C6orf132: variants seen among roughly 807,000 people sequenced by gnomAD.
The protein encoded by C6orf132 is uncharacterized protein C6orf132.
A neutral mutation model predicts 65.3 loss-of-function variants in C6orf132; 43 were observed. The ratio of observed to expected loss-of-function variants is 0.66; its 90% CI spans 0.52 to 0.85. C6orf132 has a LOEUF of 0.85. Among genes scored for constraint, C6orf132 ranks in the 40% least tolerant of loss-of-function variants. C6orf132 has a pLI of 0.00. For missense variants in C6orf132, 1,488 were observed against 1,548.8 expected (o/e 0.96, Z 0.66); for synonymous variants, 631 against 654.1 (o/e 0.96, Z 0.54).
chr6:42,102,894 C>T lies in C6orf132; in HGVS notation c.*867G>A, dbSNP rs941812514. ...TGCCTTCTCCAAATCCCATATGAGA[C>T]CTGGCCATGTAAGGCCCCTAGTGTC... On this transcript the variant is annotated 3_prime_UTR_variant, in exon 5 of 5. Transcript: ENST00000341865. 6 of 396,656 alleles carry T rather than the reference C, an allele frequency of 1.5e-5. No individual in the cohort carries two copies. In the Admixed American group the frequency reaches 2.6e-4, roughly 17 times the overall value. The allele number at this position is 396,656 out of a possible 1,614,324, so 24.6% of individuals were successfully genotyped here.
Position 42,104,834 on chromosome 6 carries a change from A to G in C6orf132, c.3078T>C (p.Ala1026=), listed in dbSNP as rs1766363560. The change falls in exon 4 of 5, where the codon GCT becomes GCC. Residue 1026 remains alanine, a synonymous_variant. Coordinates refer to ENST00000341865, the MANE Select transcript of C6orf132 (RefSeq NM_001164446.3). This position sits in a 1 kb window ranked among gnomAD's most constrained non-coding sequence, Gnocchi z 4.1. ...CGAGAGCCGGGGGCGCCCCGGGGCC[A>G]GCGTTCGGGAGCTGCCTCAAGTCTG... is the stretch of plus-strand genomic sequence containing the variant. ...NYSDLRQLPN[A]GPGAPPALGF... The G allele has an allele frequency of 6.9e-7, 1 of 1,455,618 alleles. No individual in the cohort carries two copies. The highest frequency in any genetic ancestry group is 9.0e-7 in the Non-Finnish European group (1 of 1,110,822). The allele number at this position is 1,455,618 out of a possible 1,614,324, so 90.2% of individuals were successfully genotyped here.
chr6:42,105,352 A>G lies in C6orf132; in HGVS notation c.2560T>C (p.Ser854Pro), dbSNP rs1028786237. 43 of 1,536,258 alleles carry G rather than the reference A, an allele frequency of 2.8e-5. No individual in the cohort carries two copies. Among genetic ancestry groups the G allele is most frequent in the Non-Finnish European group, 3.7e-5 (42 of 1,146,764 alleles). ...AARQRAQKGRSVGAALGRSSL... is the reference protein window; with the variant it reads ...AARQRAQKGRPVGAALGRSSL... Reference sequence around the variant, plus strand: ...GACCGACCCAGGGCAGCCCCTACAGACCTTCCCTTCTGAGCCCTCTGCCTG... The same window carrying G: ...GACCGACCCAGGGCAGCCCCTACAGGCCTTCCCTTCTGAGCCCTCTGCCTG... The change falls in exon 4 of 5, where the codon TCT (serine) becomes CCT (proline). Residue 854 changes from serine to proline, a missense_variant. Physicochemically the swap from Ser to Pro is moderately conservative, Grantham distance 74 (BLOSUM62 -1). Transcript: ENST00000341865.
chr6:42,102,544 C>T lies in C6orf132; in HGVS notation c.*1217G>A, dbSNP rs1766308435. ...CCAGCCAGGTCTCCCCTGCTCTTAA[C>T]TGGCCCAATCCTAGCACTCTTTTTT... On this transcript the variant is annotated 3_prime_UTR_variant, in exon 5 of 5. Transcript: ENST00000341865. 6.7e-6 allele frequency: 1 copy of T among 150,212 alleles called. No individual in the cohort carries two copies. Among genetic ancestry groups the T allele is most frequent in the Non-Finnish European group, 1.5e-5 (1 of 67,850 alleles). The allele number at this position is 150,212 out of a possible 1,614,324, so 9.3% of individuals were successfully genotyped here.
chr6:42,105,079 C>T lies in C6orf132; in HGVS notation c.2833G>A (p.Ala945Thr), dbSNP rs1318457173. 6.5e-7 allele frequency: 1 copy of T among 1,536,960 alleles called. No individual in the cohort carries two copies. The highest frequency in any genetic ancestry group is 1.2e-5 in the South Asian group (1 of 84,062). The change falls in exon 4 of 5, where the codon GCC becomes ACC. Residue 945 changes from alanine (A) to threonine (T), a missense_variant. Transcript: ENST00000341865. ...TTGGAGGGAGCTACTCTTTCCCAGG[C>T]CACAGGGGCCTGGGGCTCTGGCTTT... ...WTKPEPQAPV[A>T]WERVAPSNLP...
intron 1 of C6orf132, among the ~76,000 whole-genome samples, chr6:42,130,117 G>C (rs1766828437): frequency 6.6e-6 from 1 of 152,228 alleles, no homozygotes; most frequent in South Asian, 2.1e-4. Flanking sequence ...TCCCAAGGCA[G>C]GAAGCTGGCT....
chr6:42,120,651 G>A (rs1184176584), intron 2 of C6orf132, among the ~76,000 whole-genome samples: 1 of 151,430 alleles, frequency 6.6e-6, no homozygotes, highest in East Asian at 1.9e-4. Flanking sequence ...TTTTTGAGAC[G>A]GAGTCTCGCT....
chr6:42,122,611 C>A (rs984323847), intron 2 of C6orf132, among the ~76,000 whole-genome samples: 4 of 152,210 alleles, frequency 2.6e-5, no homozygotes, highest in Non-Finnish European at 5.9e-5. Flanking sequence ...GGCCTAACAT[C>A]ATCCACACAA....
chr6:42,106,237 G>A lies in C6orf132; in HGVS notation c.1675C>T (p.Pro559Ser), dbSNP rs552106535. ...CGGATCTGCCGCACACTGGGAGTTG[G>A]AGAGTCTTGGGGAATGTAGTCCACA... ...PSVDYIPQDS[P>S]TPSVRQIRNE... Residue 559 changes from proline (P) to serine (S), a missense_variant, in exon 4 of 5, where the codon CCA (proline) becomes TCA (serine). Transcript: ENST00000341865. 196 of 1,537,228 alleles carry A rather than the reference G, an allele frequency of 1.3e-4. No homozygotes were observed. In the African/African-American group the frequency reaches 2.1e-3, roughly 16 times the overall value.
Position 42,105,665 on chromosome 6 carries a change from G to A in C6orf132, c.2247C>T (p.Arg749=), listed in dbSNP as rs1449742864. The A allele has an allele frequency of 6.5e-6, 10 of 1,537,264 alleles. No individual in the cohort carries two copies. In the East Asian group the frequency reaches 2.2e-4, roughly 34 times the overall value. ...EATRLPTQGA[R]SSAAFPPKTS... is the part of the protein sequence containing the mutation. ...TCTTTGGTGGGAAGGCTGCAGATGAGCGGGCTCCCTGTGTGGGCAGCCTAG... is the reference window on the plus strand; with the variant it reads ...TCTTTGGTGGGAAGGCTGCAGATGAACGGGCTCCCTGTGTGGGCAGCCTAG... The change falls in exon 4 of 5, where the codon CGC becomes CGT. Residue 749 remains arginine, a synonymous_variant. Coordinates refer to ENST00000341865, the MANE Select transcript of C6orf132 (RefSeq NM_001164446.3).
At position 42,105,506 on chromosome 6, in the gene C6orf132, C is replaced by T; in HGVS notation, c.2406G>A (p.Glu802=). 6.5e-7 allele frequency: 1 copy of T among 1,532,676 alleles called. No individual in the cohort carries two copies. The highest frequency in any genetic ancestry group is 2.0e-5 in the Admixed American group (1 of 50,934). 94.9% of individuals were successfully genotyped at this position (1,532,676 alleles called of 1,614,324 possible). ...GGAAGPGEPV[E]VKEPPGLPAK... Reference sequence around the variant, plus strand: ...CTGGCAGCCCTGGGGGCTCCTTCACCTCCACGGGCTCCCCTGGCCCTGCAG... The same window carrying T: ...CTGGCAGCCCTGGGGGCTCCTTCACTTCCACGGGCTCCCCTGGCCCTGCAG... Residue 802 remains glutamate, a synonymous_variant, in exon 4 of 5, where the codon GAG becomes GAA. Coordinates refer to ENST00000341865, the MANE Select transcript of C6orf132 (RefSeq NM_001164446.3).
In C6orf132 at chr6:42,119,389, G is replaced by A. The variant is rs186117641; in HGVS notation, c.253-9098C>T. Among the ~76,000 whole-genome samples, 69 of 110,960 alleles carry A rather than the reference G, an allele frequency of 6.2e-4. 1 individual carries two copies. The highest frequency in any genetic ancestry group is 2.4e-3 in the African/African-American group (66 of 27,628). The allele number at this position is 110,960 out of a possible 152,430, so 72.8% of individuals were successfully genotyped here. ...AGACAGAGTCTCACTCTGTTGCCCC[G>A]GCTGGAGTTCAGTGGTGCAATTTCG... is the stretch of plus-strand genomic sequence containing the variant. On this transcript the variant is annotated intron_variant, in intron 2 of 4. Coordinates refer to ENST00000341865, the MANE Select transcript of C6orf132 (RefSeq NM_001164446.3).
chr6:42,135,554 T>A (rs1214290028), intron 1 of C6orf132, among the ~76,000 whole-genome samples: 1 of 152,194 alleles, frequency 6.6e-6, no homozygotes, highest in East Asian at 1.9e-4. Flanking sequence ...AGTTCAGGGT[T>A]GGAAGGAATG....
At position 42,106,735 on chromosome 6, in the gene C6orf132, C is replaced by T. The variant is rs765931950; in HGVS notation, c.1177G>A (p.Ala393Thr). ...GGTGCAGGAGGGGGCAGGGGAGGGG[C>T]TGGAGGCGGAGTCCCAGCTCGTTCA... ...ADERAGTPPP[A>T]PPLPPPAPPL... The change falls in exon 4 of 5, where the codon GCC (alanine) becomes ACC (threonine). Residue 393 changes from alanine (A) to threonine (T), a missense_variant. By Grantham distance (58) the Ala-to-Thr change is moderately conservative (BLOSUM62 0). Transcript: ENST00000341865. 2 of 1,521,596 alleles carry T rather than the reference C, an allele frequency of 1.3e-6. No individual in the cohort carries two copies. Among genetic ancestry groups the T allele is most frequent in the South Asian group, 1.2e-5 (1 of 83,592 alleles). 94.3% of individuals were successfully genotyped at this position (1,521,596 alleles called of 1,614,324 possible).
rs1245373731 is a variant in C6orf132 at position 42,105,296 on chromosome 6, G to A, written c.2616C>T (p.Ser872=). ...TGTCAGAGCTGGCCTCGGCTTGGTGGCTGTGGTCACGGAGACTTCCTGGCA... is the reference window on the plus strand; with the variant it reads ...TGTCAGAGCTGGCCTCGGCTTGGTGACTGTGGTCACGGAGACTTCCTGGCA... ...SSLPGSLRDH[S]HQAEASSDSI... Residue 872 remains serine, a synonymous_variant, in exon 4 of 5, where the codon AGC becomes AGT. Transcript: ENST00000341865. 2.0e-6 allele frequency: 3 copies of A among 1,537,150 alleles called. No homozygotes were observed. The highest frequency in any genetic ancestry group is 2.6e-6 in the Non-Finnish European group (3 of 1,146,896).
chr6:42,133,505 G>A (rs904355133), intron 1 of C6orf132, among the ~76,000 whole-genome samples: 2 of 152,172 alleles, frequency 1.3e-5, no homozygotes, highest in Non-Finnish European at 2.9e-5. Flanking sequence ...CTGGACCCAG[G>A]AGCTTCCAGA....
In C6orf132 at chr6:42,104,022, G is replaced by A; in HGVS notation, c.3450-144C>T. On this transcript the variant is annotated intron_variant, in intron 4 of 4. Transcript: ENST00000341865. The surrounding 1 kb of genome is among the most constrained non-coding windows in gnomAD (Gnocchi z 4.1). ...AAGCCCTGGGCTTATCGACCCCAGG[G>A]AGGGACCGCAGACATCACAAACAGG... The A allele has an allele frequency of 1.9e-6, 1 of 538,714 alleles. No homozygotes were observed. Among genetic ancestry groups the A allele is most frequent in the East Asian group, 3.5e-5 (1 of 28,650 alleles). The allele number at this position is 538,714 out of a possible 1,614,324, so 33.4% of individuals were successfully genotyped here.
At chr6:42,114,196 C>G (rs1766532751) in intron 2 of C6orf132, among the ~76,000 whole-genome samples, 4 of 152,220 alleles carry the variant, frequency 2.6e-5, no homozygotes, top group Middle Eastern at 3.2e-3. Context: ...CTTGTAACAA[C>G]AGCTCAGTCC....
chr6:42,105,625 C>G lies in C6orf132; in HGVS notation c.2287G>C (p.Gly763Arg). Residue 763 changes from glycine (G) to arginine (R), a missense_variant, in exon 4 of 5, where the codon GGA (glycine) becomes CGA (arginine). Physicochemically the swap from Gly to Arg is moderately radical, Grantham distance 125. Transcript: ENST00000341865. ...AFPPKTSPGG[G>R]EVPCLYKPHC... ...GGCTTGTAGAGACATGGCACCTCTC[C>G]TCCACCAGGAGATGTCTTTGGTGGG... 1 of 1,537,112 alleles carries G rather than the reference C, an allele frequency of 6.5e-7. No individual in the cohort carries two copies. Among genetic ancestry groups the G allele is most frequent in the Non-Finnish European group, 8.7e-7 (1 of 1,146,912 alleles).
Position 42,105,962 on chromosome 6 carries a change from G to A in C6orf132, c.1950C>T (p.Ala650=), listed in dbSNP as rs1476416137. 1 of 1,537,192 alleles carries A rather than the reference G, an allele frequency of 6.5e-7. No individual in the cohort carries two copies. Among genetic ancestry groups the A allele is most frequent in the Admixed American group, 2.0e-5 (1 of 50,988 alleles). The part of the protein sequence containing the change: ...AIPPKATPEP[A]IPPKATLWPA... ...GCCAAAGTGTAGCCTTGGGTGGTAT[G>A]GCTGGCTCAGGTGTGGCCTTGGGTG... The change falls in exon 4 of 5, where the codon GCC becomes GCT. Residue 650 remains alanine, a synonymous_variant. Transcript: ENST00000341865.
Sources: allele counts gnomAD v4.1 joint callset (sites outside exome capture counted in the v4.1 genomes callset), GRCh38; gene constraint gnomAD v4.1.1; non-coding constraint Gnocchi (gnomAD v3.1); transcripts MANE v1.5; gene names NCBI Gene and HGNC (gene_info 2026-07-23, HGNC 2026-07-21).